The following IL1RAPL1 variants were observed in gnomAD, a reference collection of about 807,000 sequenced individuals.
IL1RAPL1 encodes interleukin-1 receptor accessory protein-like 1.
IL1RAPL1 carries 3 observed loss-of-function variants against 48.4 expected under a neutral mutation model. That is an observed-to-expected ratio of 0.06 (90% CI 0.03 to 0.16). IL1RAPL1 has a LOEUF of 0.16. IL1RAPL1 is among the 10% of genes least tolerant of loss of function. The pLI, the probability that IL1RAPL1 is intolerant of heterozygous loss-of-function variation, is 1.00. For missense variants in IL1RAPL1, 349 were observed against 530.6 expected, an observed-to-expected ratio of 0.66 and a Z score of 3.36; for synonymous variants, 185 against 187.7, an observed-to-expected ratio of 0.99 and a Z score of 0.12.
intron 2 of IL1RAPL1, among the ~76,000 whole-genome samples, chrX:29,091,195 T>G (rs1472721995): frequency 8.9e-6 from 1 of 112,308 alleles, no homozygotes; most frequent in Admixed American, 9.5e-5. Context: ...ATAAACATAA[T>G]GCATAGAGAT....
At chrX:28,627,768 G>A (rs751481664) in intron 1 of IL1RAPL1, among the ~76,000 whole-genome samples, 6 of 111,323 alleles carry the variant, frequency 5.4e-5, no homozygotes, top group Non-Finnish European at 9.4e-5. Context: ...CTGGGATCAG[G>A]TGCACATCTG....
chrX:29,430,382 T>C (rs1934406038), intron 5 of IL1RAPL1, among the ~76,000 whole-genome samples: 2 of 111,213 alleles, frequency 1.8e-5, no homozygotes, highest in Admixed American at 9.6e-5. Flanking sequence ...TGGACAGGCC[T>C]CTTCTCCATT....
intron 2 of IL1RAPL1, among the ~76,000 whole-genome samples, chrX:28,963,894 A>C (rs1260199884): frequency 9.0e-6 from 1 of 110,970 alleles, no homozygotes; most frequent in African/African-American, 3.3e-5. Flanking sequence ...TCTTGCAGAA[A>C]CTTATTCCTT....
At chrX:28,886,368 T>C (rs941258953) in intron 2 of IL1RAPL1, among the ~76,000 whole-genome samples, 1 of 110,064 alleles carries the variant, frequency 9.1e-6, no homozygotes, top group Non-Finnish European at 1.9e-5. Context: ...ATATGTACTA[T>C]ATACATATAT....
chrX:29,111,682 A>G (rs895878014), intron 2 of IL1RAPL1, among the ~76,000 whole-genome samples: 1 of 111,538 alleles, frequency 9.0e-6, no homozygotes, highest in Non-Finnish European at 1.9e-5. Context: ...ATTTTCCAAA[A>G]TGATTCACAA....
chrX:29,176,215 G>A (rs1310479429), intron 2 of IL1RAPL1, among the ~76,000 whole-genome samples: 3 of 103,233 alleles, frequency 2.9e-5, no homozygotes, highest in South Asian at 4.7e-4. Context: ...TGCCTCAGCC[G>A]CCTGAGTAGC....
At chrX:29,581,586 G>A (rs1437312225) in intron 5 of IL1RAPL1, among the ~76,000 whole-genome samples, 7 of 111,838 alleles carry the variant, frequency 6.3e-5, no homozygotes, top group Non-Finnish European at 1.3e-4. Context: ...ACCTAGCTTT[G>A]CAGGCACATC....
At chrX:29,205,405 G>A (rs755702256) in intron 2 of IL1RAPL1, among the ~76,000 whole-genome samples, 12 of 111,614 alleles carry the variant, frequency 1.1e-4, no homozygotes, top group Admixed American at 6.7e-4. Context: ...CTCCCAAAAC[G>A]CATGCCATCC....
intron 3 of IL1RAPL1, among the ~76,000 whole-genome samples, chrX:29,304,097 G>C (rs1200306932): frequency 9.0e-6 from 1 of 111,440 alleles, no homozygotes; most frequent in Admixed American, 9.5e-5. Context: ...GCTGGAACTT[G>C]GTAGTGAGTT....
At chrX:28,937,544 T>G (rs771722681) in intron 2 of IL1RAPL1, among the ~76,000 whole-genome samples, 1 of 111,654 alleles carries the variant, frequency 9.0e-6, no homozygotes, top group Admixed American at 9.6e-5. Flanking sequence ...ATTGCCATAA[T>G]TTTTACAATG....
intron 2 of IL1RAPL1, among the ~76,000 whole-genome samples, chrX:28,910,220 C>T (rs1008147340): frequency 9.0e-6 from 1 of 111,150 alleles, no homozygotes; most frequent in Non-Finnish European, 1.9e-5. Flanking sequence ...CTCCCCCAAA[C>T]TTCAAGGGAT....
intron 1 of IL1RAPL1, among the ~76,000 whole-genome samples, chrX:28,598,086 C>T (rs1046694272): frequency 8.9e-6 from 1 of 111,808 alleles, no homozygotes; most frequent in African/African-American, 3.2e-5. Context: ...TAATGTAATG[C>T]CAAGGTGGAA....
intron 5 of IL1RAPL1, among the ~76,000 whole-genome samples, chrX:29,630,742 G>C (rs777590677): frequency 1.8e-5 from 2 of 111,481 alleles, no homozygotes; most frequent in Non-Finnish European, 3.8e-5. Flanking sequence ...GTTTCACCCT[G>C]TTAGCCAGGA....
At chrX:29,032,993 G>T (rs1489098755) in intron 2 of IL1RAPL1, among the ~76,000 whole-genome samples, 1 of 112,271 alleles carries the variant, frequency 8.9e-6, no homozygotes, top group Non-Finnish European at 1.9e-5. Flanking sequence ...TTTTCATTAG[G>T]TCGTATGAGA....
intron 6 of IL1RAPL1, among the ~76,000 whole-genome samples, chrX:29,804,871 G>T (rs1930214269): frequency 8.9e-6 from 1 of 112,098 alleles, no homozygotes; most frequent in African/African-American, 3.2e-5. Context: ...TGGTCTCACC[G>T]AGGAACATGA....
intron 3 of IL1RAPL1, among the ~76,000 whole-genome samples, chrX:29,308,637 T>G (rs1042797282): frequency 8.9e-6 from 1 of 112,496 alleles, no homozygotes; most frequent in African/African-American, 3.2e-5. Flanking sequence ...GTTATTATAC[T>G]GAATTGCACT....
At chrX:28,710,146 G>C (rs1204628395) in intron 1 of IL1RAPL1, among the ~76,000 whole-genome samples, 7 of 111,116 alleles carry the variant, frequency 6.3e-5, no homozygotes, top group Non-Finnish European at 1.3e-4. Flanking sequence ...TATGGGCTGG[G>C]CACTGGTTCC....
chrX:29,551,035 C>T (rs776210567), intron 5 of IL1RAPL1, among the ~76,000 whole-genome samples: 2 of 112,201 alleles, frequency 1.8e-5, no homozygotes, highest in South Asian at 3.7e-4. Flanking sequence ...TGATTTCTGT[C>T]GGTACCTCAT....
chrX:28,939,925 T>G (rs1924122900), intron 2 of IL1RAPL1, among the ~76,000 whole-genome samples: 2 of 111,310 alleles, frequency 1.8e-5, no homozygotes, highest in Non-Finnish European at 3.8e-5. Flanking sequence ...GAATATGGTA[T>G]GCAAAAATTT....
Sources: allele counts gnomAD v4.1 joint callset (sites outside exome capture counted in the v4.1 genomes callset), GRCh38; gene constraint gnomAD v4.1.1; transcripts MANE v1.5; gene names NCBI Gene and HGNC (gene_info 2026-07-23, HGNC 2026-07-21).